Variants in RASSF5 observed in about 807,000 individuals in gnomAD.
RASSF5 encodes ras association domain-containing protein 5.
Under a neutral mutation model 40.5 loss-of-function variants are expected in RASSF5, and 25 were observed. The observed-to-expected ratio is 0.62, with a 90% CI of 0.45 to 0.86. The LOEUF is 0.86. Ranked by LOEUF, RASSF5 falls within the 40% of genes least tolerant of loss-of-function variation. The probability of loss-of-function intolerance (pLI) is 0.00; values close to 1 mark genes in which losing one functional copy is unlikely to be tolerated. For missense variants in RASSF5, 521 were observed against 572.8 expected, an observed-to-expected ratio of 0.91 and a Z score of 0.92; for synonymous variants, 246 against 252.4, an observed-to-expected ratio of 0.97 and a Z score of 0.24.
rs1667174975 is a variant in RASSF5, at chr1:206,529,283, G to A, written c.458-8889G>A. The stretch of plus-strand genomic sequence containing the variant: ...CTGAGAAGAGAGCTGCCGGCAAAGG[G>A]GACGTCCCCACTAAGAGACCACCTG... On this transcript the variant is annotated intron_variant, in intron 1 of 5. Coordinates refer to ENST00000579436, the MANE Select transcript of RASSF5 (RefSeq NM_182663.4). The A allele has an allele frequency of 5.5e-6, 5 of 902,338 alleles. No individual in the cohort carries two copies. The Admixed American group carries it at 5.7e-5, about 10-fold the overall frequency. The allele number at this position is 902,338 out of a possible 1,614,324, so 55.9% of individuals were successfully genotyped here. A position where few individuals can be genotyped will look rare whatever the true frequency, so the allele number is the denominator to read the frequency against.
chr1:206,548,182 G>A (rs538814968), intron 2 of RASSF5, among the ~76,000 whole-genome samples: 8 of 151,084 alleles, frequency 5.3e-5, no homozygotes, highest in East Asian at 3.9e-4. Context: ...TCTTTTTATC[G>A]CTATGTATTA....
intron 2 of RASSF5, among the ~76,000 whole-genome samples, chr1:206,556,837 TG>T (rs1224107067): frequency 4.7e-5 from 7 of 147,392 alleles, no homozygotes; most frequent in Non-Finnish European, 1.0e-4. Context: ...AGGGAGGGGG[TG>T]GGGGTGAGGA....
At chr1:206,543,591 GTA>G (rs1553399718) in intron 2 of RASSF5, 3 of 145,136 alleles carry the variant, frequency 2.1e-5, no homozygotes, top group African/African-American at 7.7e-5. Flanking sequence ...GTGTGTGTGT[GTA>G]AATGCAGAAC....
intron 2 of RASSF5, chr1:206,544,087 C>T (rs1391712016): frequency 1.3e-5 from 2 of 152,196 alleles, no homozygotes; most frequent in Non-Finnish European, 2.9e-5. Flanking sequence ...TAAATGTTTT[C>T]TTAAAACACA....
chr1:206,557,314 G>T (rs1338004352), intron 2 of RASSF5: 5 of 1,251,560 alleles, frequency 4.0e-6, no homozygotes, highest in Non-Finnish European at 5.0e-6. Flanking sequence ...CGAGCCGGGC[G>T]CCCGGGGCTC....
chr1:206,583,416 C>T, intron 3 of RASSF5, 37 bp downstream of exon 3: 4 of 1,417,968 alleles, frequency 2.8e-6, no homozygotes, highest in South Asian at 2.3e-5. Flanking sequence ...GCCCCTGCTC[C>T]ACCACCCGCT....
intron 1 of RASSF5, among the ~76,000 whole-genome samples, chr1:206,525,651 T>A (rs940650236): frequency 2.8e-4 from 43 of 152,198 alleles, no homozygotes; most frequent in Non-Finnish European, 4.0e-4. Context: ...ATTGTTTTGT[T>A]ATGTTGCCCA....
intron 2 of RASSF5, among the ~76,000 whole-genome samples, chr1:206,562,161 T>G (rs1349883548): frequency 6.6e-6 from 1 of 152,104 alleles, no homozygotes; most frequent in Non-Finnish European, 1.5e-5. Context: ...TCCTCCTGCC[T>G]GGCCAGTCAG....
chr1:206,553,145 T>C (rs1156273695), intron 2 of RASSF5, among the ~76,000 whole-genome samples: 1 of 151,692 alleles, frequency 6.6e-6, no homozygotes, highest in Non-Finnish European at 1.5e-5. Flanking sequence ...GAGCTTGCAG[T>C]GAGATGAGAT....
In RASSF5 at chr1:206,507,793, G is replaced by A. The variant is rs1201672798; in HGVS notation, c.191G>A (p.Arg64Lys). 1.8e-5 allele frequency: 25 copies of A among 1,393,024 alleles called. No individual in the cohort carries two copies. The highest frequency in any genetic ancestry group is 2.2e-5 in the Non-Finnish European group (24 of 1,083,718). The allele number at this position is 1,393,024 out of a possible 1,614,324, so 86.3% of individuals were successfully genotyped here. The change falls in exon 1 of 6, where the codon AGG becomes AAG. Residue 64 changes from arginine (R) to lysine (K), a missense_variant. Around this residue, in one of 2 missense-constraint regions of RASSF5, gnomAD observed 237 missense variants for 212.0 expected, o/e 1.12. Coordinates refer to ENST00000579436, the MANE Select transcript of RASSF5 (RefSeq NM_182663.4). ...PGAREGRSAR[R>K]AARGNLEPPP... ...GCGCGCGAGGGGCGCAGCGCCCGGA[G>A]GGCTGCCCGGGGGAACCTGGAGCCC...
intron 1 of RASSF5, among the ~76,000 whole-genome samples, chr1:206,536,063 G>A (rs1255701995): frequency 2.6e-5 from 4 of 152,262 alleles, no homozygotes; most frequent in African/African-American, 9.6e-5. Flanking sequence ...TGGCCTCAGT[G>A]CTCCCTTATC....
chr1:206,556,909 C>T (rs1374664435), intron 2 of RASSF5, among the ~76,000 whole-genome samples: 1 of 152,128 alleles, frequency 6.6e-6, no homozygotes, highest in East Asian at 1.9e-4. Flanking sequence ...CCTTTTACTC[C>T]GTGGAACCTG....
At chr1:206,525,989 A>G (rs1667087187) in intron 1 of RASSF5, among the ~76,000 whole-genome samples, 1 of 152,074 alleles carries the variant, frequency 6.6e-6, no homozygotes, top group Non-Finnish European at 1.5e-5. Context: ...CCACCTGTCC[A>G]GCACTTTCCC....
Position 206,538,040 on chromosome 1 carries a change from C to T in RASSF5, c.458-132C>T, listed in dbSNP as rs1365524494. The T allele has an allele frequency of 5.4e-6, 7 of 1,298,648 alleles. No homozygotes were observed. The African/African-American group carries it at 8.7e-5, about 16-fold the overall frequency. The allele number at this position is 1,298,648 out of a possible 1,614,324, so 80.4% of individuals were successfully genotyped here. On this transcript the variant is annotated intron_variant, in intron 1 of 5. Transcript: ENST00000579436. ...CAGGGTGGCATTCTCACGCTGTCTC[C>T]CGCCCCACCACTTCTCTCCTGCACT...
Position 206,507,856 on chromosome 1 carries a change from C to T in RASSF5, c.254C>T (p.Pro85Leu). Reference sequence around the variant, plus strand: ...TCCCGACCCGCTCGCCCGCTCCGGCCTGGTCTGCAGCAGAGACTGCGGCGG... The same window carrying T: ...TCCCGACCCGCTCGCCCGCTCCGGCTTGGTCTGCAGCAGAGACTGCGGCGG... ...RASRPARPLR[P>L]GLQQRLRRRP... is the part of the protein sequence containing the mutation. Residue 85 changes from proline to leucine, a missense_variant, in exon 1 of 6, where the codon CCT becomes CTT. Pro to Leu is a moderately conservative substitution (Grantham distance 98, BLOSUM62 -3). Transcript: ENST00000579436. 1 of 1,470,666 alleles carries T rather than the reference C, an allele frequency of 6.8e-7. No homozygotes were observed. The highest frequency in any genetic ancestry group is 8.9e-7 in the Non-Finnish European group (1 of 1,117,672). The allele number at this position is 1,470,666 out of a possible 1,614,324, so 91.1% of individuals were successfully genotyped here.
intron 2 of RASSF5, among the ~76,000 whole-genome samples, chr1:206,567,381 A>C (rs1379330039): frequency 1.3e-5 from 2 of 152,044 alleles, no homozygotes; most frequent in African/African-American, 4.8e-5. Context: ...GAAACCCATA[A>C]ATCTTTTGTT....
At chr1:206,563,036 C>T (rs1668188900) in intron 2 of RASSF5, among the ~76,000 whole-genome samples, 1 of 152,138 alleles carries the variant, frequency 6.6e-6, no homozygotes, top group Admixed American at 6.5e-5. Flanking sequence ...GCTTTTCAGT[C>T]ATTGAATATA....
chr1:206,533,548 G>C (rs1374428004), intron 1 of RASSF5, among the ~76,000 whole-genome samples: 1 of 152,086 alleles, frequency 6.6e-6, no homozygotes, highest in Non-Finnish European at 1.5e-5. Flanking sequence ...TTGAGGCGGG[G>C]AGTTTGATAC....
At position 206,513,644 on chromosome 1, in the gene RASSF5, C is replaced by G. The variant is rs1476797022; in HGVS notation, c.457+5585C>G. Among the ~76,000 whole-genome samples the G allele has an allele frequency of 6.6e-6, 1 of 152,204 alleles. No homozygotes were observed. The highest frequency in any genetic ancestry group is 6.5e-5 in the Admixed American group (1 of 15,290). ...CTGGGTGGGGAAGGGCTGGCGGCAG[C>G]TGGGAAGGCCGGGCCTGACTGGGGA... On this transcript the variant is annotated intron_variant, in intron 1 of 5. Transcript: ENST00000579436. The surrounding 1 kb of genome is among the most constrained non-coding windows in gnomAD (Gnocchi z 5.0).
Sources: gnomAD v4.1 joint callset for allele counts (sites outside exome capture counted in the v4.1 genomes callset) on GRCh38, gnomAD v4.1.1 for gene constraint, gnomAD v4.1.1 regional missense constraint, Gnocchi (gnomAD v3.1) non-coding constraint, MANE v1.5 for transcripts, NCBI Gene and HGNC (gene_info 2026-07-23, HGNC 2026-07-21) for gene names.